CADM1: variants seen among roughly 807,000 people sequenced by gnomAD.
The protein encoded by CADM1 is cell adhesion molecule 1, also known as TSLC-1.
Under a neutral mutation model 53.1 loss-of-function variants are expected in CADM1, and 15 were observed. That is an observed-to-expected ratio of 0.28 (90% CI 0.19 to 0.44). The LOEUF (loss-of-function observed/expected upper bound fraction) is 0.44. Among genes scored for constraint, CADM1 ranks in the 20% least tolerant of loss-of-function variants. CADM1 has a pLI of 1.00. For synonymous variants in CADM1, 281 were observed against 243.0 expected, an observed-to-expected ratio of 1.16 and a Z score of -1.45; for missense variants, 434 against 611.3, an observed-to-expected ratio of 0.71 and a Z score of 3.06.
intron 1 of CADM1, among the ~76,000 whole-genome samples, chr11:115,494,994 C>T (rs1949578489): frequency 6.6e-6 from 1 of 152,108 alleles, no homozygotes; most frequent in Admixed American, 6.5e-5. Flanking sequence ...ACTAACAAAA[C>T]TAAAGAAGAC....
intron 1 of CADM1, among the ~76,000 whole-genome samples, chr11:115,328,814 G>A (rs1945055900): frequency 7.7e-6 from 1 of 130,456 alleles, no homozygotes; most frequent in African/African-American, 2.7e-5. Context: ...TAAGAAAGTT[G>A]TCAGTATATC....
chr11:115,406,965 GA>G (rs1362164916), intron 1 of CADM1, among the ~76,000 whole-genome samples: 13 of 149,414 alleles, frequency 8.7e-5, no homozygotes, highest in South Asian at 2.1e-4. Flanking sequence ...AAAAAAAAAA[GA>G]AAAAAAGTGA....
intron 1 of CADM1, among the ~76,000 whole-genome samples, chr11:115,293,326 G>A (rs1426345955): frequency 1.3e-5 from 2 of 152,102 alleles, no homozygotes; most frequent in Non-Finnish European, 2.9e-5. Flanking sequence ...CCAGCTACTC[G>A]GGAGGCTGAG....
chr11:115,465,213 C>T (rs1465859735), intron 1 of CADM1, among the ~76,000 whole-genome samples: 1 of 152,064 alleles, frequency 6.6e-6, no homozygotes, highest in Non-Finnish European at 1.5e-5. Flanking sequence ...CATACTACAT[C>T]CGGGCTTGAA....
intron 1 of CADM1, among the ~76,000 whole-genome samples, chr11:115,377,000 G>A (rs557082535): frequency 3.3e-5 from 5 of 152,156 alleles, no homozygotes; most frequent in African/African-American, 4.8e-5. Context: ...ATGTCTAGCC[G>A]GCTTTAAATT....
rs1938854161 is a variant in CADM1, at chr11:115,173,096, C to T, written c.*3378G>A. 1 of 152,284 alleles carries T rather than the reference C, an allele frequency of 6.6e-6. No individual in the cohort carries two copies. The allele number at this position is 152,284 out of a possible 1,614,324, so 9.4% of individuals were successfully genotyped here. ...CAGCAACCTAAACAGCAAGTGAGAA[C>T]AATCTTCTGCAGGCAGCCAAGCCAG... On this transcript the variant is annotated 3_prime_UTR_variant, in exon 12 of 12. Transcript: ENST00000331581.
rs187210319 is a variant in CADM1, at chr11:115,463,669, T to A, written c.124+40602A>T. Among the ~76,000 whole-genome samples the A allele has an allele frequency of 2.0e-5, 3 of 152,338 alleles. No individual in the cohort carries two copies. The East Asian group carries it at 5.8e-4, about 29-fold the overall frequency. On this transcript the variant is annotated intron_variant, in intron 1 of 11. Coordinates refer to ENST00000331581, the MANE Select transcript of CADM1 (RefSeq NM_001301043.2). ...GTTTTCATAATGGAAAAATTCTCAC[T>A]GACCCAGTGGGGTTTCTACTTCCTT...
chr11:115,225,347 G>A lies in CADM1; in HGVS notation c.721+3766C>T, dbSNP rs184685473. ...GACTTTAATTCACTGATTCTGAAGG[G>A]GTCAACACCTTGCTGAACAAAACAA... On this transcript the variant is annotated intron_variant, in intron 5 of 11. Transcript: ENST00000331581. Among the ~76,000 whole-genome samples, 5 of 151,868 alleles carry A rather than the reference G, an allele frequency of 3.3e-5. No individual in the cohort carries two copies. In the East Asian group the frequency reaches 9.7e-4, roughly 29 times the overall value.
chr11:115,353,999 G>C (rs1945801274), intron 1 of CADM1, among the ~76,000 whole-genome samples: 1 of 152,102 alleles, frequency 6.6e-6, no homozygotes, highest in African/African-American at 2.4e-5. Context: ...TTAAAATCAT[G>C]CACAGGAAAG....
chr11:115,482,048 AT>A (rs1265080022), intron 1 of CADM1, among the ~76,000 whole-genome samples: 2 of 152,168 alleles, frequency 1.3e-5, no homozygotes, highest in East Asian at 1.9e-4. Context: ...TTCAAAGGCT[AT>A]TCCCCTCAGC....
At position 115,251,259 on chromosome 11, in the gene CADM1, G is replaced by T. The variant is rs147785977; in HGVS notation, c.125-10839C>A. Among the ~76,000 whole-genome samples, 736 of 152,338 alleles carry T rather than the reference G, an allele frequency of 4.8e-3. 4 individuals carry two copies. Among genetic ancestry groups the T allele is most frequent in the Middle Eastern group, 0.02 (6 of 294 alleles). ...TATTGACAGTCTACGTGGCTGAAAT[G>T]TGGCTGTAATAGCAGTCTCTCTCTA... On this transcript the variant is annotated intron_variant, in intron 1 of 11. Coordinates refer to ENST00000331581, the MANE Select transcript of CADM1 (RefSeq NM_001301043.2).
chr11:115,489,301 GAACA>G (rs962621118), intron 1 of CADM1, among the ~76,000 whole-genome samples: 1 of 152,086 alleles, frequency 6.6e-6, no homozygotes, highest in African/African-American at 2.4e-5. Flanking sequence ...CATTATGGGA[GAACA>G]AACAACTTCA....
At chr11:115,459,624 T>C (rs950034995) in intron 1 of CADM1, among the ~76,000 whole-genome samples, 6 of 152,186 alleles carry the variant, frequency 3.9e-5, no homozygotes, top group Admixed American at 1.3e-4. Flanking sequence ...TCCAGTCTAA[T>C]GGTGGCATGG....
At chr11:115,500,696 T>A (rs1949709649) in intron 1 of CADM1, among the ~76,000 whole-genome samples, 1 of 152,218 alleles carries the variant, frequency 6.6e-6, no homozygotes, top group Non-Finnish European at 1.5e-5. Context: ...TGACATCTCT[T>A]TCCCTTCAAC....
chr11:115,394,275 T>G (rs1017165974), intron 1 of CADM1, among the ~76,000 whole-genome samples: 1 of 152,196 alleles, frequency 6.6e-6, no homozygotes, highest in Non-Finnish European at 1.5e-5. Flanking sequence ...TAAAAGAGAA[T>G]GTGAAGGAAA....
At chr11:115,443,468 T>C (rs1048034767) in intron 1 of CADM1, among the ~76,000 whole-genome samples, 3 of 152,194 alleles carry the variant, frequency 2.0e-5, no homozygotes, top group Admixed American at 1.3e-4. Flanking sequence ...CAGCATTGCC[T>C]CTCTCTGGAG....
chr11:115,206,031 T>A (rs1002912764), intron 8 of CADM1, among the ~76,000 whole-genome samples: 1 of 152,200 alleles, frequency 6.6e-6, no homozygotes, highest in Non-Finnish European at 1.5e-5. Context: ...CAGCTTAGCA[T>A]AGCCTCCCTT....
intron 1 of CADM1, among the ~76,000 whole-genome samples, chr11:115,415,730 A>AGG (rs747633596): frequency 7.6e-5 from 11 of 144,484 alleles, no homozygotes; most frequent in Non-Finnish European, 1.6e-4. Context: ...CAGCTACTCA[A>AGG]GGGGCTGAGG....
chr11:115,443,733 G>A (rs907701573), intron 1 of CADM1, among the ~76,000 whole-genome samples: 1 of 152,188 alleles, frequency 6.6e-6, no homozygotes, highest in African/African-American at 2.4e-5. Flanking sequence ...CCCAGTATGT[G>A]CCAAGCAGTC....
Sources: allele counts gnomAD v4.1 joint callset (sites outside exome capture counted in the v4.1 genomes callset), GRCh38; gene constraint gnomAD v4.1.1; transcripts MANE v1.5; gene names NCBI Gene and HGNC (gene_info 2026-07-23, HGNC 2026-07-21).